The following ECM1 variants were observed in gnomAD, a reference collection of about 807,000 sequenced individuals.
The protein encoded by ECM1 is extracellular matrix protein 1.
A neutral mutation model predicts 57.9 loss-of-function variants in ECM1; 54 were observed. The observed-to-expected ratio is 0.93, with a 90% CI of 0.75 to 1.17. The LOEUF (loss-of-function observed/expected upper bound fraction) is 1.17. Among genes scored for constraint, ECM1 ranks in the 50% most tolerant of loss-of-function variants. The pLI is 0.00. For synonymous variants in ECM1, 237 were observed against 259.1 expected (o/e 0.91, Z 0.82); for missense variants, 649 against 688.1 (o/e 0.94, Z 0.64).
chr1:150,512,789 C>G lies in ECM1; in HGVS notation c.1369C>G (p.Gln457Glu), dbSNP rs745666730. The change falls in exon 9 of 10, where the codon CAG (glutamine) becomes GAG (glutamate). Residue 457 changes from glutamine to glutamate, a missense_variant. By Grantham distance (29) the Gln-to-Glu change is conservative. Coordinates refer to ENST00000369047, the MANE Select transcript of ECM1 (RefSeq NM_004425.4). ...ARCCDLPFPE[Q>E]ACCAEEEKLT... ...CTGCTGTGACCTGCCATTTCCAGAA[C>G]AGGCCTGCTGTGCAGAGGAGGAGGT... is the stretch of plus-strand genomic sequence containing the variant. The G allele has an allele frequency of 3.1e-6, 5 of 1,614,046 alleles. No homozygotes were observed. Among genetic ancestry groups the G allele is most frequent in the Non-Finnish European group, 4.2e-6 (5 of 1,180,040 alleles).
intron 6 of ECM1, 65 bp downstream of exon 6, chr1:150,511,263 G>C: frequency 6.2e-7 from 1 of 1,605,132 alleles, no homozygotes; most frequent in South Asian, 1.1e-5. Context: ...TGTTTTAAGG[G>C]TTAGAGCACT....
At chr1:150,511,891 C>T in intron 7 of ECM1, 60 bp downstream of exon 7, 1 of 1,547,598 alleles carries the variant, frequency 6.5e-7, no homozygotes, top group Non-Finnish European at 8.7e-7. Context: ...TCTTCGACCT[C>T]TGATCCTGCC....
chr1:150,511,969 G>T, intron 7 of ECM1, 138 bp downstream of exon 7: 1 of 1,227,554 alleles, frequency 8.1e-7, no homozygotes, highest in Non-Finnish European at 1.1e-6. Context: ...GTGGCTGTCC[G>T]TCCATCCATT....
intron 9 of ECM1, 93 bp downstream of exon 9, chr1:150,512,905 A>C: frequency 7.2e-7 from 1 of 1,389,894 alleles, no homozygotes; most frequent in Non-Finnish European, 1.0e-6. Context: ...AGTACCTCAA[A>C]CCAGCCTTTG....
At position 150,509,782 on chromosome 1, in the gene ECM1, C is replaced by T. The variant is rs1451388004; in HGVS notation, c.223+20C>T. 3 of 1,613,352 alleles carry T rather than the reference C, an allele frequency of 1.9e-6. No homozygotes were observed. Among genetic ancestry groups the T allele is most frequent in the African/African-American group, 2.7e-5 (2 of 74,874 alleles). ...GTCAAGGTAAGGTCACCATCCCATG[C>T]CCTCCTCAGTGACCCTCCAGGTTTC... On this transcript the variant is annotated intron_variant, in intron 3 of 9. Coordinates refer to ENST00000369047, the MANE Select transcript of ECM1 (RefSeq NM_004425.4).
In ECM1 at chr1:150,512,824, G is replaced by A; in HGVS notation, c.1392+12G>A. On this transcript the variant is annotated intron_variant, in intron 9 of 9. Transcript: ENST00000369047. ...GTGCAGAGGAGGAGGTGAGTGTGTG[G>A]AGTCTAGTCTCCAGAGGAATGCAGG... The A allele has an allele frequency of 4.3e-6, 7 of 1,613,816 alleles. No homozygotes were observed. Among genetic ancestry groups the A allele is most frequent in the Non-Finnish European group, 5.9e-6 (7 of 1,179,752 alleles).
chr1:150,509,506 C>T lies in ECM1; in HGVS notation c.71-25C>T, dbSNP rs75772057. On this transcript the variant is annotated intron_variant, in intron 1 of 9. Coordinates refer to ENST00000369047, the MANE Select transcript of ECM1 (RefSeq NM_004425.4). ...TCCAGGGAAGGCCCTCCCAGTGGCC[C>T]CTGACTTGCCCTTCTTCCCTCCAGG... The T allele has an allele frequency of 0.018, 29,824 of 1,614,010 alleles. 403 individuals are homozygous for T. Among genetic ancestry groups the T allele is most frequent in the Middle Eastern group, 0.048 (289 of 6,060 alleles).
intron 6 of ECM1, 35 bp from the exon 7 acceptor site, chr1:150,511,422 G>A (rs1376529251): frequency 6.2e-7 from 1 of 1,614,062 alleles, no homozygotes; most frequent in African/African-American, 1.3e-5. Context: ...AGGCAGGAAT[G>A]TGGAAAGTGG....
rs1275130725 is a variant in ECM1 at position 150,508,244 on chromosome 1, C to G, written c.35C>G (p.Thr12Ser). 1 of 1,614,102 alleles carries G rather than the reference C, an allele frequency of 6.2e-7. No individual in the cohort carries two copies. Among genetic ancestry groups the G allele is most frequent in the South Asian group, 1.1e-5 (1 of 91,086 alleles). ...ACAGCCAGAGCAGCCTTGGTCTTGACCTATTTGGCTGTTGCTTCTGCTGCC... is the reference window on the plus strand; with the variant it reads ...ACAGCCAGAGCAGCCTTGGTCTTGAGCTATTTGGCTGTTGCTTCTGCTGCC... ...GTTARAALVL[T>S]YLAVASAASE... The change falls in exon 1 of 10, where the codon ACC becomes AGC. Residue 12 changes from threonine to serine, a missense_variant. Physicochemically the swap from Thr to Ser is moderately conservative, Grantham distance 58. Coordinates refer to ENST00000369047, the MANE Select transcript of ECM1 (RefSeq NM_004425.4).
Position 150,509,718 on chromosome 1 carries a change from C to G in ECM1, c.179C>G (p.Pro60Arg). 6.2e-7 allele frequency: 1 copy of G among 1,614,006 alleles called. No individual in the cohort carries two copies. The highest frequency in any genetic ancestry group is 8.5e-7 in the Non-Finnish European group (1 of 1,179,984). ...TCCCGAAGCCTCCCCATGGATCACC[C>G]TGACTCCTCTCAGCATGGCCCTCCC... ...PLSRSLPMDH[P>R]DSSQHGPPFE... Residue 60 changes from proline (P) to arginine (R), a missense_variant, in exon 3 of 10, where the codon CCT becomes CGT. Pro to Arg is a moderately radical substitution (Grantham distance 103). Coordinates refer to ENST00000369047, the MANE Select transcript of ECM1 (RefSeq NM_004425.4).
At chr1:150,512,963 G>C in intron 9 of ECM1, 151 bp downstream of exon 9, 1 of 948,974 alleles carries the variant, frequency 1.1e-6, no homozygotes, top group Non-Finnish European at 1.6e-6. Context: ...TTCCAGAAAA[G>C]TCTTCACTCT....
Position 150,510,108 on chromosome 1 carries a change from C to G in ECM1, c.311C>G (p.Pro104Arg). ...AQLPAEKEVG[P>R]PLPQEAVPLQ... Reference sequence around the variant, plus strand: ...CCTCACCCCTATCTTGCAGTGGGTCCCCCTCTCCCTCAGGAAGCTGTCCCC... The same window carrying G: ...CCTCACCCCTATCTTGCAGTGGGTCGCCCTCTCCCTCAGGAAGCTGTCCCC... The change falls in exon 5 of 10, where the codon CCC becomes CGC. Residue 104 changes from proline to arginine, a missense_variant. Coordinates refer to ENST00000369047, the MANE Select transcript of ECM1 (RefSeq NM_004425.4). 6.2e-7 allele frequency: 1 copy of G among 1,614,070 alleles called. No homozygotes were observed. The highest frequency in any genetic ancestry group is 8.5e-7 in the Non-Finnish European group (1 of 1,179,942).
intron 7 of ECM1, 26 bp from the exon 8 acceptor site, chr1:150,512,326 C>T: frequency 6.2e-7 from 1 of 1,611,276 alleles, no homozygotes; most frequent in Non-Finnish European, 8.5e-7. Context: ...TGTCCAGCTT[C>T]TGACTTCCCT....
At chr1:150,509,436 G>T in intron 1 of ECM1, 95 bp from the exon 2 acceptor site, 2 of 1,387,974 alleles carry the variant, frequency 1.4e-6, no homozygotes, top group South Asian at 2.3e-5. Flanking sequence ...TTGCTTGTCT[G>T]TCCTACACTC....
chr1:150,512,358 G>T lies in ECM1; in HGVS notation c.1090G>T (p.Asp364Tyr). Residue 364 changes from aspartate (D) to tyrosine (Y), a missense_variant, in exon 8 of 10, where the codon GAT becomes TAT. Asp to Tyr is a radical substitution (Grantham distance 160, BLOSUM62 -3). Transcript: ENST00000369047. ...NHTCTWKAWE[D>Y]TLDKYCDREY... ...CCCTCTCTCTGGTCCACAGTGGGAG[G>T]ATACCCTTGACAAATACTGTGACCG... 5 of 1,612,700 alleles carry T rather than the reference G, an allele frequency of 3.1e-6. No homozygotes were observed. Among genetic ancestry groups the T allele is most frequent in the Non-Finnish European group, 4.2e-6 (5 of 1,179,744 alleles).
chr1:150,509,601 G>A lies in ECM1; in HGVS notation c.121+20G>A, dbSNP rs74127651. ...AAGAAGGTAAGAGTTTGGGGGAGCA[G>A]CATGGGATTGGGACTCCAGGAGGCA... On this transcript the variant is annotated intron_variant, in intron 2 of 9. Coordinates refer to ENST00000369047, the MANE Select transcript of ECM1 (RefSeq NM_004425.4). 2,549 of 1,614,070 alleles carry A rather than the reference G, an allele frequency of 1.6e-3. 33 individuals are homozygous for A. The African/African-American group carries it at 0.03, about 19-fold the overall frequency.
In ECM1 at chr1:150,510,220, C is replaced by T. The variant is rs202166233; in HGVS notation, c.385+38C>T. ...CTCTCTTCTTTACCCACCTTTACCTCATGGCCTTCCCCCAGAGCATGGGCT... is the reference window on the plus strand; with the variant it reads ...CTCTCTTCTTTACCCACCTTTACCTTATGGCCTTCCCCCAGAGCATGGGCT... On this transcript the variant is annotated intron_variant, in intron 5 of 9. Coordinates refer to ENST00000369047, the MANE Select transcript of ECM1 (RefSeq NM_004425.4). The T allele has an allele frequency of 3.1e-6, 5 of 1,589,992 alleles. No individual in the cohort carries two copies. In the East Asian group the frequency reaches 8.9e-5, roughly 28 times the overall value.
Position 150,510,099 on chromosome 1 carries a change from C to T in ECM1, c.305-3C>T. On this transcript the variant is annotated splice_polypyrimidine_tract_variant and splice_region_variant and intron_variant, in intron 4 of 9. Transcript: ENST00000369047. ...CCTTGGTGCCCTCACCCCTATCTTG[C>T]AGTGGGTCCCCCTCTCCCTCAGGAA... The T allele has an allele frequency of 6.2e-7, 1 of 1,614,036 alleles. No individual in the cohort carries two copies. The highest frequency in any genetic ancestry group is 8.5e-7 in the Non-Finnish European group (1 of 1,179,856).
At chr1:150,509,411 G>A in intron 1 of ECM1, 120 bp from the exon 2 acceptor site, 3 of 1,049,090 alleles carry the variant, frequency 2.9e-6, no homozygotes, top group East Asian at 2.4e-5. Flanking sequence ...TGAATACAGA[G>A]GGGCATCTCG....
Sources: allele counts gnomAD v4.1 joint callset, GRCh38; gene constraint gnomAD v4.1.1; transcripts MANE v1.5; gene names NCBI Gene and HGNC (gene_info 2026-07-23, HGNC 2026-07-21).